Variants in LAMA1 observed in about 807,000 individuals in gnomAD.
LAMA1 encodes laminin subunit alpha 1, also known as laminin subunit alpha-1.
A neutral mutation model predicts 348.7 loss-of-function variants in LAMA1; 219 were observed. The ratio of observed to expected loss-of-function variants is 0.63; its 90% CI spans 0.56 to 0.70. The LOEUF is 0.70. Ranked by LOEUF, LAMA1 falls within the 30% of genes least tolerant of loss-of-function variation. LAMA1 has a pLI of 0.00. For synonymous variants in LAMA1, 1,487 were observed against 1,491.0 expected (o/e 1.00, Z 0.06); for missense variants, 3,744 against 3,888.0 (o/e 0.96, Z 0.99).
At chr18:6,987,060 A>G (rs74719216) in intron 36 of LAMA1, among the ~76,000 whole-genome samples, 21,027 of 152,210 alleles carry the variant, frequency 0.14, 1,475 homozygotes, top group South Asian at 0.16. Flanking sequence ...CGCCCGGCCC[A>G]AAGCTTTACT....
chr18:6,978,096 T>G (rs1600366193), intron 43 of LAMA1, 100 bp downstream of exon 43: 2 of 1,499,866 alleles, frequency 1.3e-6, no homozygotes, highest in Non-Finnish European at 1.9e-6. Context: ...ATACTTCTAC[T>G]TTTCAGGAAT....
intron 33 of LAMA1, among the ~76,000 whole-genome samples, chr18:6,996,725 G>A (rs1048734421): frequency 5.3e-5 from 8 of 152,074 alleles, no homozygotes; most frequent in African/African-American, 1.7e-4. Context: ...GCTGCAGTGG[G>A]CCATGACTGC....
intron 1 of LAMA1, among the ~76,000 whole-genome samples, chr18:7,108,211 C>T (rs968986025): frequency 2.0e-5 from 3 of 151,808 alleles, no homozygotes; most frequent in Non-Finnish European, 2.9e-5. Context: ...CGGTGTGTGC[C>T]TGTAGTCCCA....
intron 3 of LAMA1, among the ~76,000 whole-genome samples, chr18:7,057,233 G>A (rs1437697523): frequency 6.6e-6 from 1 of 152,054 alleles, no homozygotes; most frequent in Non-Finnish European, 1.5e-5. Context: ...TTACAGATGA[G>A]GAAATTGGGG....
intron 1 of LAMA1, among the ~76,000 whole-genome samples, chr18:7,085,481 C>T (rs1337225699): frequency 1.4e-5 from 2 of 140,764 alleles, no homozygotes; most frequent in Middle Eastern, 3.5e-3. Flanking sequence ...TGCAGTGGCA[C>T]GATCTCCGCT....
intron 58 of LAMA1, 136 bp from the exon 59 acceptor site, chr18:6,949,395 A>T (rs2143971902): frequency 1.1e-6 from 1 of 882,560 alleles, no homozygotes. Flanking sequence ...GAAGGTTCAA[A>T]TTTTTAGACA....
At chr18:7,097,270 C>CA (rs11394951) in intron 1 of LAMA1, among the ~76,000 whole-genome samples, 129,625 of 149,904 alleles carry the variant, frequency 0.86, 55,998 homozygotes, top group Admixed American at 0.91. Context: ...AATACTTGAA[C>CA]AAAAAAAATA....
At chr18:7,039,478 C>T (rs1345722347) in intron 10 of LAMA1, among the ~76,000 whole-genome samples, 1 of 152,150 alleles carries the variant, frequency 6.6e-6, no homozygotes, top group East Asian at 1.9e-4. Context: ...AACAGACACT[C>T]AAAATAGCAT....
In LAMA1 at chr18:6,965,341, C is replaced by T. The variant is rs113764106; in HGVS notation, c.7142G>A (p.Arg2381His). The change falls in exon 50 of 63, where the codon CGT becomes CAT. Residue 2381 changes from arginine to histidine, a missense_variant. Arg to His is a conservative substitution (Grantham distance 29). Around this residue, in one of 3 missense-constraint regions of LAMA1, gnomAD observed 1,983 missense variants for 1,934.3 expected, o/e 1.03. Transcript: ENST00000389658. ...TTTGTACCAGGTTCCATTGTTATAA[C>T]GTCTGTCTGTCAAAAGGGTAATGGG... ...SGPITLLTDR[R>H]YNNGTWYKIA... The T allele has an allele frequency of 3.2e-5, 51 of 1,614,188 alleles. No homozygotes were observed. In the East Asian group the frequency reaches 4.2e-4, roughly 13 times the overall value.
At chr18:7,005,423 GC>G (rs2057827691) in intron 29 of LAMA1, among the ~76,000 whole-genome samples, 1 of 152,188 alleles carries the variant, frequency 6.6e-6, no homozygotes, top group Admixed American at 6.5e-5. Flanking sequence ...CTAAATTACT[GC>G]CTGGCATGGC....
At chr18:7,027,579 A>T (rs989887344) in intron 16 of LAMA1, among the ~76,000 whole-genome samples, 1 of 152,090 alleles carries the variant, frequency 6.6e-6, no homozygotes, top group Non-Finnish European at 1.5e-5. Context: ...CAGGGGAAAA[A>T]AAAAACAAAA....
chr18:7,077,160 A>G (rs528776804), intron 3 of LAMA1, among the ~76,000 whole-genome samples: 48 of 151,732 alleles, frequency 3.2e-4, no homozygotes, highest in Non-Finnish European at 2.7e-4. Flanking sequence ...TACCTAAAGC[A>G]GCCTATAACT....
chr18:6,988,572 G>C (rs1295932827), intron 36 of LAMA1, among the ~76,000 whole-genome samples: 1 of 152,122 alleles, frequency 6.6e-6, no homozygotes, highest in Non-Finnish European at 1.5e-5. Context: ...GGCCAAGGCG[G>C]GCAGATCACC....
At chr18:6,999,693 C>G (rs1309245732) in intron 31 of LAMA1, 55 bp from the exon 32 acceptor site, 1 of 1,451,988 alleles carries the variant, frequency 6.9e-7, no homozygotes, top group Non-Finnish European at 9.5e-7. Context: ...CAGCTTCTAA[C>G]TTGCGACAGT....
intron 33 of LAMA1, 135 bp from the exon 34 acceptor site, chr18:6,995,581 A>C (rs2057777815): frequency 3.0e-6 from 2 of 670,098 alleles, no homozygotes; most frequent in Non-Finnish European, 5.4e-6. Context: ...TTTAAAAAAA[A>C]ATGGATCACA....
In LAMA1 at chr18:7,026,028, G is replaced by C. The variant is rs765822415; in HGVS notation, c.2353C>G (p.Pro785Ala). 1 of 1,609,776 alleles carries C rather than the reference G, an allele frequency of 6.2e-7. No homozygotes were observed. The highest frequency in any genetic ancestry group is 8.5e-7 in the Non-Finnish European group (1 of 1,177,964). Residue 785 changes from proline to alanine, a missense_variant, in exon 17 of 63, where the codon CCT becomes GCT. By Grantham distance (27) the Pro-to-Ala change is conservative. Coordinates refer to ENST00000389658, the MANE Select transcript of LAMA1 (RefSeq NM_005559.4). Reference protein sequence around the residue: ...GFYGEPSRGTPGDCQPCACPL... With the variant: ...GFYGEPSRGTAGDCQPCACPL... ...CAGGCGCAGGGCTGGCAGTCCCCAGGTGTCCCTCGGGAAGGCTCCCCGTAG... is the reference window on the plus strand; with the variant it reads ...CAGGCGCAGGGCTGGCAGTCCCCAGCTGTCCCTCGGGAAGGCTCCCCGTAG...
chr18:7,002,439 A>G (rs1188660630), intron 29 of LAMA1, 54 bp from the exon 30 acceptor site: 1 of 1,595,470 alleles, frequency 6.3e-7, no homozygotes, highest in African/African-American at 1.3e-5. Context: ...GTTAGAAATC[A>G]TTCTTATCTG....
intron 53 of LAMA1, 50 bp downstream of exon 53, chr18:6,961,536 C>T: frequency 6.2e-7 from 1 of 1,606,040 alleles, no homozygotes; most frequent in Non-Finnish European, 8.5e-7. Flanking sequence ...CTCATTGTTT[C>T]CCGAAGTAAT....
intron 1 of LAMA1, among the ~76,000 whole-genome samples, chr18:7,111,749 G>T (rs962321283): frequency 2.6e-5 from 4 of 152,196 alleles, no homozygotes; most frequent in Admixed American, 1.3e-4. Flanking sequence ...TTGCAAACTT[G>T]TAAGTAACTA....
Sources: gnomAD v4.1 joint callset for allele counts (sites outside exome capture counted in the v4.1 genomes callset) on GRCh38, gnomAD v4.1.1 for gene constraint, gnomAD v4.1.1 regional missense constraint, MANE v1.5 for transcripts, NCBI Gene and HGNC (gene_info 2026-07-23, HGNC 2026-07-21) for gene names.